The following TJP2 variants were observed in gnomAD, a reference collection of about 807,000 sequenced individuals.
TJP2 encodes the protein tight junction protein 2, also known as Friedreich ataxia region gene X104 (tight junction protein ZO-2).
In TJP2, 91 loss-of-function variants were observed where a neutral mutation model predicts 133.1. That is an observed-to-expected ratio of 0.68 (90% CI 0.58 to 0.81). The LOEUF is 0.81. Among genes scored for constraint, TJP2 ranks in the 40% least tolerant of loss-of-function variants. The pLI, the probability that TJP2 is intolerant of heterozygous loss-of-function variation, is 0.00. For missense variants in TJP2, 1,541 were observed against 1,565.6 expected (o/e 0.98, Z 0.26); for synonymous variants, 592 against 583.4 (o/e 1.01, Z -0.21).
upstream of TJP2, among the ~76,000 whole-genome samples, chr9:69,173,501 C>A (rs868298418): frequency 4.6e-5 from 7 of 152,194 alleles, no homozygotes; most frequent in Admixed American, 3.3e-4. Flanking sequence ...AGAGGAGTTT[C>A]AATCTCTTTA....
upstream of TJP2, chr9:69,174,226 C>A (rs1481361425): frequency 1.4e-6 from 2 of 1,473,882 alleles, no homozygotes; most frequent in Admixed American, 4.3e-5. Flanking sequence ...GGAGGAGGGA[C>A]AAAGGGGTGG....
chr9:69,240,128 G>T lies in TJP2; in HGVS notation c.2547G>T (p.Thr849=), dbSNP rs774647300. ...ATCAAGCCAACAAGCTTAAAAAAAC[G>T]TGTGCACACCTTTTTACAGGTAAGT... ...LFDQANKLKK[T]CAHLFTATIN... is the part of the protein sequence containing the mutation. Residue 849 remains threonine (T), a synonymous_variant, in exon 17 of 23, where the codon ACG becomes ACT. Coordinates refer to ENST00000377245, the MANE Select transcript of TJP2 (RefSeq NM_004817.4). 22 of 1,613,870 alleles carry T rather than the reference G, an allele frequency of 1.4e-5. No individual in the cohort carries two copies. Among genetic ancestry groups the T allele is most frequent in the Non-Finnish European group, 1.7e-5 (20 of 1,179,940 alleles).
intron 1 of TJP2, among the ~76,000 whole-genome samples, chr9:69,209,687 G>A (rs1439796493): frequency 6.6e-6 from 1 of 151,114 alleles, no homozygotes; most frequent in Non-Finnish European, 1.5e-5. Flanking sequence ...CCAGGAGGCG[G>A]AGGTTGCAGT....
chr9:69,187,293 A>G (rs1259874709), intron 1 of TJP2, among the ~76,000 whole-genome samples: 1 of 152,206 alleles, frequency 6.6e-6, no homozygotes, highest in Non-Finnish European at 1.5e-5. Context: ...GATTAAATAT[A>G]AATGTTGACC....
chr9:69,226,096 A>G lies in TJP2; in HGVS notation c.1131A>G (p.Leu377=), dbSNP rs1829325881. ...TGATAGAAAAGTCAAGAGGAAAACTACAGCTAGTGGTGTTGAGAGACAGCC... is the reference window on the plus strand; with the variant it reads ...TGATAGAAAAGTCAAGAGGAAAACTGCAGCTAGTGGTGTTGAGAGACAGCC... ...RKLIEKSRGK[L]QLVVLRDSQQ... is the part of the protein sequence containing the mutation. The change falls in exon 7 of 23, where the codon CTA becomes CTG. Residue 377 remains leucine, a synonymous_variant. Transcript: ENST00000377245. 1 of 1,614,076 alleles carries G rather than the reference A, an allele frequency of 6.2e-7. No homozygotes were observed. Among genetic ancestry groups the G allele is most frequent in the Admixed American group, 1.7e-5 (1 of 60,006 alleles).
intron 1 of TJP2, among the ~76,000 whole-genome samples, chr9:69,211,305 C>G (rs1446420623): frequency 2.0e-5 from 3 of 152,210 alleles, no homozygotes; most frequent in Non-Finnish European, 4.4e-5. Context: ...CCACTGTACT[C>G]CAGCCTGGGC....
chr9:69,228,406 TATC>T (rs1389005123), intron 9 of TJP2, among the ~76,000 whole-genome samples: 1 of 152,152 alleles, frequency 6.6e-6, no homozygotes, highest in African/African-American at 2.4e-5. Context: ...AACTATTAGG[TATC>T]ATGCTCACAC....
chr9:69,183,033 G>A (rs922546397), intron 1 of TJP2, among the ~76,000 whole-genome samples: 4 of 151,828 alleles, frequency 2.6e-5, no homozygotes, highest in African/African-American at 9.7e-5. Flanking sequence ...CTGATCTCGG[G>A]TGATCCACCT....
At chr9:69,222,060 CG>C (rs1201957782) in intron 5 of TJP2, among the ~76,000 whole-genome samples, 22 of 149,346 alleles carry the variant, frequency 1.5e-4, no homozygotes, top group African/African-American at 5.4e-4. Context: ...TTAGTAGAGA[CG>C]GGGTTTCACC....
chr9:69,148,410 C>T (rs1169428468), intron 1 of TJP2, among the ~76,000 whole-genome samples: 1 of 144,462 alleles, frequency 6.9e-6, no homozygotes, highest in Non-Finnish European at 1.5e-5. Flanking sequence ...CACACTTTGT[C>T]GCCCAGGAGG....
chr9:69,174,414 G>C lies in TJP2; in HGVS notation c.42G>C (p.Glu14Asp), dbSNP rs1175723742. The C allele has an allele frequency of 1.9e-6, 3 of 1,551,670 alleles. No homozygotes were observed. The African/African-American group carries it at 4.1e-5, about 21-fold the overall frequency. ...ACCGCGGGTTTCCACCCCGGCGGGAGCTGTCAGGTTGGCTCCGCGTAAGTG... is the reference window on the plus strand; with the variant it reads ...ACCGCGGGTTTCCACCCCGGCGGGACCTGTCAGGTTGGCTCCGCGTAAGTG... ...RGDRGFPPRRELSGWLRAPGM... is the reference protein window; with the variant it reads ...RGDRGFPPRRDLSGWLRAPGM... The change falls in exon 1 of 23, where the codon GAG becomes GAC. Residue 14 changes from glutamate to aspartate, a missense_variant. Transcript: ENST00000377245.
chr9:69,146,210 GC>G (rs1441364298), intron 1 of TJP2, among the ~76,000 whole-genome samples: 4 of 152,154 alleles, frequency 2.6e-5, no homozygotes, highest in Non-Finnish European at 5.9e-5. Flanking sequence ...AAGTGTATGT[GC>G]AGACTATGCT....
At chr9:69,131,574 AG>A (rs925116988) in intron 1 of TJP2, among the ~76,000 whole-genome samples, 2 of 152,200 alleles carry the variant, frequency 1.3e-5, no homozygotes, top group Non-Finnish European at 2.9e-5. Context: ...GCCTGCCCCA[AG>A]GTGTTCTCTG....
intron 1 of TJP2, among the ~76,000 whole-genome samples, chr9:69,211,193 C>T (rs1051122571): frequency 2.0e-5 from 3 of 152,050 alleles, no homozygotes; most frequent in South Asian, 2.1e-4. Context: ...AAAAATTAGC[C>T]GGGCGTGGTA....
chr9:69,203,821 C>T (rs1564433376), intron 1 of TJP2, among the ~76,000 whole-genome samples: 1 of 151,868 alleles, frequency 6.6e-6, no homozygotes. Flanking sequence ...ACCATGTTGG[C>T]CAGGCTGGTC....
intron 1 of TJP2, among the ~76,000 whole-genome samples, chr9:69,194,528 A>G (rs1479584638): frequency 6.6e-6 from 1 of 152,240 alleles, no homozygotes; most frequent in East Asian, 1.9e-4. Flanking sequence ...TAAATTAACT[A>G]AAATTAAACA....
intron 1 of TJP2, among the ~76,000 whole-genome samples, chr9:69,203,993 G>C (rs1827202433): frequency 6.6e-6 from 1 of 152,116 alleles, no homozygotes; most frequent in South Asian, 2.1e-4. Context: ...CAACTCTTAG[G>C]GAAGGACACA....
intron 1 of TJP2, among the ~76,000 whole-genome samples, chr9:69,210,649 G>A (rs978149160): frequency 5.9e-5 from 9 of 151,676 alleles, no homozygotes; most frequent in African/African-American, 1.9e-4. Flanking sequence ...GGCTGCTTGC[G>A]TCCCTGGCAC....
chr9:69,133,138 T>A (rs958568982), intron 1 of TJP2, among the ~76,000 whole-genome samples: 1 of 152,122 alleles, frequency 6.6e-6, no homozygotes, highest in African/African-American at 2.4e-5. Flanking sequence ...ATTTTTGTAT[T>A]TTTTGTAGAG....
Sources: allele counts gnomAD v4.1 joint callset (sites outside exome capture counted in the v4.1 genomes callset), GRCh38; gene constraint gnomAD v4.1.1; transcripts MANE v1.5; gene names NCBI Gene and HGNC (gene_info 2026-07-23, HGNC 2026-07-21).